NAV2: variants seen among roughly 807,000 people sequenced by gnomAD.
NAV2 encodes helicase, APC down-regulated 1.
Under a neutral mutation model 223.2 loss-of-function variants are expected in NAV2, and 54 were observed. That is an observed-to-expected ratio of 0.24 (90% CI 0.19 to 0.30). The LOEUF is 0.30. Ranked by LOEUF, NAV2 falls within the 10% of genes least tolerant of loss-of-function variation. The probability of loss-of-function intolerance (pLI) is 1.00; values close to 1 mark genes in which losing one functional copy is unlikely to be tolerated. For missense variants in NAV2, 2,806 were observed against 3,147.5 expected (o/e 0.89, Z 2.60); for synonymous variants, 1,279 against 1,239.3 (o/e 1.03, Z -0.67).
intron 3 of NAV2, among the ~76,000 whole-genome samples, chr11:19,852,429 G>A (rs530097289): frequency 6.6e-6 from 1 of 152,278 alleles, no homozygotes; most frequent in East Asian, 1.9e-4. Flanking sequence ...GCATGTGGAG[G>A]ACAGAGACCC....
intron 1 of NAV2, among the ~76,000 whole-genome samples, chr11:19,803,353 T>C (rs1242565081): frequency 1.3e-5 from 2 of 152,214 alleles, no homozygotes; most frequent in African/African-American, 4.8e-5. Flanking sequence ...CACCCTTTAA[T>C]GCCCTTTAGC....
intron 1 of NAV2, among the ~76,000 whole-genome samples, chr11:19,780,787 G>A (rs2056671597): frequency 6.6e-6 from 1 of 152,196 alleles, no homozygotes; most frequent in Non-Finnish European, 1.5e-5. Flanking sequence ...CCAGTAGTGT[G>A]TGCATTTCTC....
intron 6 of NAV2, among the ~76,000 whole-genome samples, chr11:19,892,866 A>C (rs553609841): frequency 1.3e-5 from 2 of 152,330 alleles, no homozygotes; most frequent in African/African-American, 2.4e-5. Context: ...GCAATATAGC[A>C]TTTGGAATTT....
chr11:19,616,435 G>A (rs768770646), intron 1 of NAV2, among the ~76,000 whole-genome samples: 4 of 151,986 alleles, frequency 2.6e-5, no homozygotes, highest in Non-Finnish European at 4.4e-5. Context: ...TCTCCCAAGG[G>A]TGTCCATAGA....
At chr11:19,925,901 ATTTCTGAGC>A (rs1479095354) in intron 6 of NAV2, among the ~76,000 whole-genome samples, 1 of 152,176 alleles carries the variant, frequency 6.6e-6, no homozygotes, top group Non-Finnish European at 1.5e-5. Context: ...GCAAAGGTTT[ATTTCTGAGC>A]TATCTAGTCT....
At chr11:19,994,551 A>G (rs1322698748) in intron 11 of NAV2, among the ~76,000 whole-genome samples, 1 of 148,864 alleles carries the variant, frequency 6.7e-6, no homozygotes, top group African/African-American at 2.5e-5. Flanking sequence ...TCTGTCTCAA[A>G]GAAAAAAAAA....
chr11:19,781,637 T>C (rs2056754464), intron 1 of NAV2, among the ~76,000 whole-genome samples: 1 of 152,080 alleles, frequency 6.6e-6, no homozygotes, highest in Admixed American at 6.5e-5. Flanking sequence ...GGTCAGTGGG[T>C]TAAAGGGCTC....
At chr11:19,853,948 T>C (rs933362097) in intron 3 of NAV2, among the ~76,000 whole-genome samples, 1 of 152,174 alleles carries the variant, frequency 6.6e-6, no homozygotes, top group African/African-American at 2.4e-5. Context: ...CACACCTGCA[T>C]TGGGACTGAT....
chr11:19,792,580 AG>A (rs2057597706), intron 1 of NAV2, among the ~76,000 whole-genome samples: 1 of 152,178 alleles, frequency 6.6e-6, no homozygotes, highest in Non-Finnish European at 1.5e-5. Context: ...TGGGAGGAAA[AG>A]GCCTTCTCTG....
intron 1 of NAV2, among the ~76,000 whole-genome samples, chr11:19,400,467 G>T (rs1048305314): frequency 6.6e-6 from 1 of 152,162 alleles, no homozygotes; most frequent in African/African-American, 2.4e-5. Flanking sequence ...CAGCTTGTGT[G>T]CTGTCCACCA....
chr11:19,785,284 T>G (rs1226245149), intron 1 of NAV2, among the ~76,000 whole-genome samples: 1 of 152,248 alleles, frequency 6.6e-6, no homozygotes, highest in Non-Finnish European at 1.5e-5. Flanking sequence ...CCTCATGGCC[T>G]GCAGCCTGTT....
chr11:19,679,430 C>CAAAAAAAAAA lies in NAV2; in HGVS notation c.76-153047_76-153046insAAAAAAAAAA, dbSNP rs56384242. Among the ~76,000 whole-genome samples the CAAAAAAAAAA allele has an allele frequency of 2.6e-4, 30 of 114,100 alleles. 4 individuals are homozygous for CAAAAAAAAAA. The highest frequency in any genetic ancestry group is 6.0e-4 in the South Asian group (2 of 3,328). The allele number at this position is 114,100 out of a possible 152,430, so 74.9% of individuals were successfully genotyped here. ...TGGGCAACAGAACGAGACTCTGTCT[C>CAAAAAAAAAA]AAAAAAACACAAAAAGATTTGGGGG... On this transcript the variant is annotated intron_variant, in intron 1 of 37. Transcript: ENST00000360655.
chr11:19,435,570 A>G (rs1213001059), intron 1 of NAV2, among the ~76,000 whole-genome samples: 3 of 152,098 alleles, frequency 2.0e-5, no homozygotes, highest in Non-Finnish European at 4.4e-5. Context: ...CATTGATTTC[A>G]ATTCCTTTGA....
chr11:19,888,972 G>A lies in NAV2; in HGVS notation c.771-3462G>A, dbSNP rs563751622. Among the ~76,000 whole-genome samples the A allele has an allele frequency of 2.6e-5, 4 of 152,176 alleles. No homozygotes were observed. In the East Asian group the frequency reaches 5.8e-4, roughly 22 times the overall value. ...TGTAATCTAGATGTCAGCTGGGGTCGACAAGCCCCTTGAGATCCGGGTAAG... is the reference window on the plus strand; with the variant it reads ...TGTAATCTAGATGTCAGCTGGGGTCAACAAGCCCCTTGAGATCCGGGTAAG... On this transcript the variant is annotated intron_variant, in intron 5 of 37. Transcript: ENST00000349880.
chr11:19,538,519 GT>G (rs67680795), intron 1 of NAV2, among the ~76,000 whole-genome samples: 145 of 140,446 alleles, frequency 1.0e-3, no homozygotes, highest in African/African-American at 2.8e-3. Flanking sequence ...TTTTGTTTTT[GT>G]TTTTTTTTTT....
chr11:19,471,626 A>G (rs533482804), intron 1 of NAV2, among the ~76,000 whole-genome samples: 70 of 152,320 alleles, frequency 4.6e-4, no homozygotes, highest in Non-Finnish European at 8.2e-4. Flanking sequence ...CTCAGGCTCT[A>G]TGCTTGCAAC....
At chr11:19,951,270 A>T (rs1396908572) in intron 10 of NAV2, among the ~76,000 whole-genome samples, 1 of 152,072 alleles carries the variant, frequency 6.6e-6, no homozygotes, top group Non-Finnish European at 1.5e-5. Flanking sequence ...TTTATTTTGT[A>T]GTGTTTTCTG....
chr11:19,366,139 A>G (rs991502318), intron 1 of NAV2, among the ~76,000 whole-genome samples: 2 of 152,098 alleles, frequency 1.3e-5, no homozygotes, highest in African/African-American at 4.8e-5. Flanking sequence ...TGGAGGGGTG[A>G]CCTCTCCCCT....
chr11:19,351,900 C>G (rs1399930896), intron 1 of NAV2, among the ~76,000 whole-genome samples: 3 of 148,390 alleles, frequency 2.0e-5, no homozygotes, highest in Non-Finnish European at 4.5e-5. Context: ...ATTGACTCTT[C>G]CCAGTGTGAA....
Sources: gnomAD v4.1 joint callset for allele counts (sites outside exome capture counted in the v4.1 genomes callset) on GRCh38, gnomAD v4.1.1 for gene constraint, MANE v1.5 for transcripts, NCBI Gene and HGNC (gene_info 2026-07-23, HGNC 2026-07-21) for gene names.